The following KLHDC10 variants were observed in gnomAD, a reference collection of about 807,000 sequenced individuals.
KLHDC10 encodes the protein kelch domain containing 10, also known as kelch domain-containing protein 10.
Under a neutral mutation model 56.1 loss-of-function variants are expected in KLHDC10, and 24 were observed. The observed-to-expected ratio is 0.43, with a 90% CI of 0.31 to 0.60. The LOEUF (loss-of-function observed/expected upper bound fraction) is 0.60, where lower values mean the gene tolerates loss of function less well. KLHDC10 is among the 20% of genes least tolerant of loss of function. The probability of loss-of-function intolerance (pLI) is 0.11; values close to 1 mark genes in which losing one functional copy is unlikely to be tolerated. For synonymous variants in KLHDC10, 188 were observed against 207.1 expected (o/e 0.91, Z 0.79); for missense variants, 349 against 567.0 (o/e 0.62, Z 3.91).
intron 1 of KLHDC10, among the ~76,000 whole-genome samples, chr7:130,081,863 T>C (rs1199150015): frequency 6.6e-6 from 1 of 152,228 alleles, no homozygotes; most frequent in East Asian, 1.9e-4. Context: ...CCATTTCTTT[T>C]CTGTTCTCTG....
chr7:130,091,641 T>C (rs750138163), intron 1 of KLHDC10, among the ~76,000 whole-genome samples: 11 of 152,226 alleles, frequency 7.2e-5, no homozygotes, highest in Non-Finnish European at 1.5e-4. Context: ...TTAATGTTCT[T>C]CTGGTTTTCC....
At chr7:130,123,453 G>C (rs1796277520) in intron 5 of KLHDC10, among the ~76,000 whole-genome samples, 1 of 149,164 alleles carries the variant, frequency 6.7e-6, no homozygotes, top group African/African-American at 2.5e-5. Flanking sequence ...CTGGGCGACA[G>C]AGCAAGACTC....
chr7:130,126,973 G>T (rs2116919091), intron 7 of KLHDC10, among the ~76,000 whole-genome samples: 1 of 152,264 alleles, frequency 6.6e-6, no homozygotes, highest in South Asian at 2.1e-4. Context: ...GTGTGGTGGT[G>T]TGCACCTGTA....
At chr7:130,109,490 T>C (rs1336353897) in intron 2 of KLHDC10, among the ~76,000 whole-genome samples, 2 of 152,144 alleles carry the variant, frequency 1.3e-5, no homozygotes, top group African/African-American at 4.8e-5. Flanking sequence ...AGACATTCTC[T>C]TCCATAACTG....
chr7:130,119,535 GTTA>G (rs1190537353), intron 3 of KLHDC10, among the ~76,000 whole-genome samples: 1 of 41,464 alleles, frequency 2.4e-5, no homozygotes, highest in Non-Finnish European at 4.3e-5. Flanking sequence ...CAAAAAAAGA[GTTA>G]AAAAAAAAAA....
chr7:130,119,525 CAAAA>C (rs1451106321), intron 3 of KLHDC10, among the ~76,000 whole-genome samples: 1 of 70,376 alleles, frequency 1.4e-5, no homozygotes, highest in African/African-American at 6.1e-5. Context: ...AACAAACAAA[CAAAA>C]AAAGAGTTAA....
At chr7:130,114,764 T>C (rs927405356) in intron 2 of KLHDC10, among the ~76,000 whole-genome samples, 3 of 152,022 alleles carry the variant, frequency 2.0e-5, no homozygotes, top group African/African-American at 7.3e-5. Context: ...AAGGGTTCAT[T>C]TGATGAAAAG....
intron 2 of KLHDC10, among the ~76,000 whole-genome samples, chr7:130,110,358 T>A (rs1412513451): frequency 3.9e-5 from 6 of 152,164 alleles, no homozygotes. Flanking sequence ...TGGGAAAAAG[T>A]AATACAAAAG....
intron 1 of KLHDC10, among the ~76,000 whole-genome samples, chr7:130,094,458 A>T (rs1055756149): frequency 1.3e-5 from 2 of 152,144 alleles, no homozygotes; most frequent in Non-Finnish European, 2.9e-5. Context: ...TCCAGTCTAA[A>T]AGTAATGCCT....
chr7:130,077,010 A>G (rs1240052486), intron 1 of KLHDC10, among the ~76,000 whole-genome samples: 1 of 152,154 alleles, frequency 6.6e-6, no homozygotes, highest in Non-Finnish European at 1.5e-5. Context: ...GATAATTGAC[A>G]TCGTTTTGAG....
At chr7:130,074,048 C>CA (rs556423031) in intron 1 of KLHDC10, among the ~76,000 whole-genome samples, 65 of 152,280 alleles carry the variant, frequency 4.3e-4, no homozygotes, top group Non-Finnish European at 6.6e-4. Flanking sequence ...TAGGATAAGG[C>CA]AAAAATCTTT....
At position 130,130,772 on chromosome 7, in the gene KLHDC10, T is replaced by A; in HGVS notation, c.*26T>A. 6.3e-7 allele frequency: 1 copy of A among 1,595,322 alleles called. No homozygotes were observed. The highest frequency in any genetic ancestry group is 8.6e-7 in the Non-Finnish European group (1 of 1,162,888). The stretch of plus-strand genomic sequence containing the variant: ...GGATTTCTGGACTGTTCATTGATAC[T>A]GGAAATGTTAATTTAAAGAGACTCC... On this transcript the variant is annotated 3_prime_UTR_variant, in exon 10 of 10. Transcript: ENST00000335420. This position sits in a 1 kb window ranked among gnomAD's most constrained non-coding sequence, Gnocchi z 4.2.
intron 2 of KLHDC10, among the ~76,000 whole-genome samples, chr7:130,099,289 G>T (rs1795897451): frequency 6.6e-6 from 1 of 152,024 alleles, no homozygotes; most frequent in African/African-American, 2.4e-5. Context: ...CTCTTCGTTT[G>T]TTCGTTCGTT....
At chr7:130,097,581 A>G (rs1286792961) in intron 2 of KLHDC10, among the ~76,000 whole-genome samples, 1 of 152,126 alleles carries the variant, frequency 6.6e-6, no homozygotes, top group African/African-American at 2.4e-5. Flanking sequence ...AATTATGAAC[A>G]AGTATTTATT....
chr7:130,128,887 A>ATATATATATATATATATAT (rs1434178196), intron 8 of KLHDC10, among the ~76,000 whole-genome samples: 5 of 68,246 alleles, frequency 7.3e-5, no homozygotes, highest in African/African-American at 3.4e-4. Context: ...AAAAAAAAAA[A>ATATATATATATATATATAT]AAATATATAT....
chr7:130,107,856 A>AAAAAAAAAAAAAAAAG (rs1796032686), intron 2 of KLHDC10, among the ~76,000 whole-genome samples: 1 of 147,090 alleles, frequency 6.8e-6, no homozygotes, highest in Non-Finnish European at 1.5e-5. Context: ...AAAAAAAAAA[A>AAAAAAAAAAAAAAAAG]AAAAAAAAAA....
In KLHDC10 at chr7:130,130,533, A is replaced by G. The variant is rs373786008; in HGVS notation, c.1120-4A>G. ...TGAATTTGTCCTCTTTTGACTACTCATAGGCTGGTTGCATGTACATTCATG... is the reference window on the plus strand; with the variant it reads ...TGAATTTGTCCTCTTTTGACTACTCGTAGGCTGGTTGCATGTACATTCATG... On this transcript the variant is annotated splice_polypyrimidine_tract_variant and splice_region_variant and intron_variant, in intron 9 of 9. Transcript: ENST00000335420. This position sits in a 1 kb window ranked among gnomAD's most constrained non-coding sequence, Gnocchi z 4.2. 2.2e-5 allele frequency: 35 copies of G among 1,613,216 alleles called. No homozygotes were observed. In the African/African-American group the frequency reaches 3.6e-4, roughly 17 times the overall value.
intron 2 of KLHDC10, among the ~76,000 whole-genome samples, chr7:130,099,810 TTA>T (rs1795904725): frequency 6.6e-6 from 1 of 152,164 alleles, no homozygotes; most frequent in Non-Finnish European, 1.5e-5. Flanking sequence ...ATTATTATAG[TTA>T]TTAGTGTGCA....
chr7:130,076,253 G>T (rs1795501318), intron 1 of KLHDC10, among the ~76,000 whole-genome samples: 2 of 152,082 alleles, frequency 1.3e-5, no homozygotes, highest in South Asian at 4.1e-4. Context: ...CTCACCTCCT[G>T]CTATGTGGCC....
Sources: allele counts gnomAD v4.1 joint callset (sites outside exome capture counted in the v4.1 genomes callset), GRCh38; gene constraint gnomAD v4.1.1; non-coding constraint Gnocchi (gnomAD v3.1); transcripts MANE v1.5; gene names NCBI Gene and HGNC (gene_info 2026-07-23, HGNC 2026-07-21).